Variants in SYT2 observed in about 807,000 individuals in gnomAD.
SYT2 encodes synaptotagmin-2.
Under a neutral mutation model 39.9 loss-of-function variants are expected in SYT2, and 15 were observed. That is an observed-to-expected ratio of 0.38 (90% CI 0.25 to 0.58). The LOEUF (loss-of-function observed/expected upper bound fraction) is 0.58, where lower values mean the gene tolerates loss of function less well. SYT2 is among the 20% of genes least tolerant of loss of function. The probability of loss-of-function intolerance (pLI) is 0.70; values close to 1 mark genes in which losing one functional copy is unlikely to be tolerated. For missense variants in SYT2, 389 were observed against 530.3 expected (o/e 0.73, Z 2.62); for synonymous variants, 181 against 204.5 (o/e 0.89, Z 0.98).
In SYT2 at chr1:202,594,401, G is replaced by T. The variant is rs908999088; in HGVS notation, c.*2356C>A. 1 of 152,368 alleles carries T rather than the reference G, an allele frequency of 6.6e-6. No individual in the cohort carries two copies. The highest frequency in any genetic ancestry group is 2.4e-5 in the African/African-American group (1 of 41,540). The allele number at this position is 152,368 out of a possible 1,614,324, so 9.4% of individuals were successfully genotyped here. The stretch of plus-strand genomic sequence containing the variant: ...GGTGGTAGAAGATGAATTGGGAAAG[G>T]GCAAAGGAGTAAAGGTAGAGGGGAT... On this transcript the variant is annotated 3_prime_UTR_variant, in exon 9 of 9. Transcript: ENST00000367268.
At chr1:202,701,845 G>T (rs1654130614) in intron 1 of SYT2, among the ~76,000 whole-genome samples, 1 of 152,208 alleles carries the variant, frequency 6.6e-6, no homozygotes, top group Non-Finnish European at 1.5e-5. Context: ...TTCCCTGTGT[G>T]TTACTGTCTC....
chr1:202,637,374 GA>G (rs938816870), intron 1 of SYT2, among the ~76,000 whole-genome samples: 1 of 151,922 alleles, frequency 6.6e-6, no homozygotes, highest in African/African-American at 2.4e-5. Context: ...AACCAAAACC[GA>G]AAACCAAAAC....
intron 1 of SYT2, among the ~76,000 whole-genome samples, chr1:202,642,253 C>T (rs537431018): frequency 1.1e-4 from 16 of 152,212 alleles, no homozygotes; most frequent in African/African-American, 3.6e-4. Flanking sequence ...CACCCCCTGC[C>T]CCGGAAGTGA....
At chr1:202,604,969 G>C (rs746077122) in intron 2 of SYT2, 4 of 216,174 alleles carry the variant, frequency 1.9e-5, no homozygotes, top group Non-Finnish European at 3.7e-5. Context: ...GCTCACTCTA[G>C]AGAGGATGGG....
chr1:202,657,975 C>T (rs1692309090), intron 1 of SYT2, among the ~76,000 whole-genome samples: 1 of 152,172 alleles, frequency 6.6e-6, no homozygotes, highest in African/African-American at 2.4e-5. Flanking sequence ...CACTTGGGTT[C>T]ACTCAGCATG....
At chr1:202,638,058 T>TG (rs1442066788) in intron 1 of SYT2, among the ~76,000 whole-genome samples, 1 of 152,264 alleles carries the variant, frequency 6.6e-6, no homozygotes, top group Non-Finnish European at 1.5e-5. Context: ...GAGCCCTTCC[T>TG]GCTGCAGTAC....
At position 202,623,095 on chromosome 1, in the gene SYT2, G is replaced by A. The variant is rs1181558989; in HGVS notation, c.-17-17306C>T. Among the ~76,000 whole-genome samples, 1 of 152,198 alleles carries A rather than the reference G, an allele frequency of 6.6e-6. No homozygotes were observed. Among genetic ancestry groups the A allele is most frequent in the Non-Finnish European group, 1.5e-5 (1 of 68,038 alleles). ...CTAACTCTTGTAGGGTGCAGGGATA[G>A]TAGCAGTGGTGAGGGGGCAGAGGGA... On this transcript the variant is annotated intron_variant, in intron 1 of 8. Coordinates refer to ENST00000367268, the MANE Select transcript of SYT2 (RefSeq NM_177402.5). The surrounding 1 kb of genome is among the most constrained non-coding windows in gnomAD (Gnocchi z 4.2).
At chr1:202,605,150 C>CA in intron 2 of SYT2, 1 of 165,826 alleles carries the variant, frequency 6.0e-6, no homozygotes, top group African/African-American at 2.4e-5. Flanking sequence ...TTCTGAAGCA[C>CA]CATCTCCCGC....
chr1:202,675,407 A>T (rs368087198), intron 1 of SYT2, among the ~76,000 whole-genome samples: 47 of 149,608 alleles, frequency 3.1e-4, no homozygotes, highest in East Asian at 1.7e-3. Context: ...TATATACACA[A>T]TTGAAAATTA....
At chr1:202,607,393 A>G (rs1018706060) in intron 1 of SYT2, among the ~76,000 whole-genome samples, 1 of 152,236 alleles carries the variant, frequency 6.6e-6, no homozygotes, top group African/African-American at 2.4e-5. Context: ...TTAAATTAAA[A>G]CAAGCTGGAA....
intron 1 of SYT2, chr1:202,632,551 C>T (rs1691623560): frequency 1.0e-6 from 1 of 985,194 alleles, no homozygotes; most frequent in African/African-American, 1.7e-5. Flanking sequence ...AATGTCAGAC[C>T]CTGTTCTGTC....
chr1:202,702,724 C>T lies in SYT2; in HGVS notation c.-18+7534G>A, dbSNP rs184290309. ...AACATCCCATCTTAGGCCCTATGAC[C>T]GGGCCGTCACTTGGTCCATCTGAGT... On this transcript the variant is annotated intron_variant, in intron 1 of 8. Coordinates refer to ENST00000367268, the MANE Select transcript of SYT2 (RefSeq NM_177402.5). 6.8e-3 allele frequency among the ~76,000 whole-genome samples: 1,038 copies of T among 152,304 alleles called. 8 individuals carry two copies. The highest frequency in any genetic ancestry group is 0.01 in the Middle Eastern group (3 of 294).
At chr1:202,642,843 C>A (rs553518095) in intron 1 of SYT2, among the ~76,000 whole-genome samples, 1 of 152,330 alleles carries the variant, frequency 6.6e-6, no homozygotes, top group East Asian at 1.9e-4. Context: ...CCACTTCATG[C>A]ACCTCCCCGC....
chr1:202,631,703 T>A (rs894034808), intron 1 of SYT2, among the ~76,000 whole-genome samples: 1 of 152,046 alleles, frequency 6.6e-6, no homozygotes, highest in Admixed American at 6.5e-5. Context: ...AGGCTCAAAA[T>A]GAAGGAGGGT....
At chr1:202,662,369 C>T (rs1034495205) in intron 1 of SYT2, among the ~76,000 whole-genome samples, 5 of 152,270 alleles carry the variant, frequency 3.3e-5, no homozygotes, top group African/African-American at 1.2e-4. Context: ...GAGCCCCATA[C>T]ATTCAAGGCA....
In SYT2 at chr1:202,593,806, A is replaced by G. The variant is rs1166335729; in HGVS notation, c.*2951T>C. 6.6e-6 allele frequency: 1 copy of G among 152,054 alleles called. No individual in the cohort carries two copies. Among genetic ancestry groups the G allele is most frequent in the Non-Finnish European group, 1.5e-5 (1 of 68,012 alleles). 9.4% of individuals were successfully genotyped at this position (152,054 alleles called of 1,614,324 possible). ...TGTTTTCATGGTCTCAGCTTCTCTA[A>G]AAATCACCTCTATACTACTTTCCTT... On this transcript the variant is annotated 3_prime_UTR_variant, in exon 9 of 9. Coordinates refer to ENST00000367268, the MANE Select transcript of SYT2 (RefSeq NM_177402.5).
In SYT2 at chr1:202,672,673, C is replaced by T. The variant is rs950278180; in HGVS notation, c.-18+37585G>A. Among the ~76,000 whole-genome samples, 6 of 133,450 alleles carry T rather than the reference C, an allele frequency of 4.5e-5. No individual in the cohort carries two copies. In the Admixed American group the frequency reaches 4.8e-4, roughly 11 times the overall value. The allele number at this position is 133,450 out of a possible 152,430, so 87.5% of individuals were successfully genotyped here. ...GCAGATCAGAAGAAATAATCCAGAA[C>T]ACAGTGGTTAAAACTTGGCAGAAGC... On this transcript the variant is annotated intron_variant, in intron 1 of 8. Coordinates refer to ENST00000367268, the MANE Select transcript of SYT2 (RefSeq NM_177402.5).
chr1:202,611,718 AT>A (rs1317577899), intron 1 of SYT2, among the ~76,000 whole-genome samples: 1 of 152,194 alleles, frequency 6.6e-6, no homozygotes, highest in Admixed American at 6.5e-5. Flanking sequence ...ATGATGTCCA[AT>A]TTAGCTGTTT....
At chr1:202,663,957 A>G (rs1692437132) in intron 1 of SYT2, among the ~76,000 whole-genome samples, 2 of 152,292 alleles carry the variant, frequency 1.3e-5, no homozygotes, top group African/African-American at 4.8e-5. Flanking sequence ...CAAGTTACAA[A>G]ACTCCAGGAT....
Sources: allele counts gnomAD v4.1 joint callset (sites outside exome capture counted in the v4.1 genomes callset), GRCh38; gene constraint gnomAD v4.1.1; non-coding constraint Gnocchi (gnomAD v3.1); transcripts MANE v1.5; gene names NCBI Gene and HGNC (gene_info 2026-07-23, HGNC 2026-07-21).